The following SVOP variants were observed in gnomAD, a reference collection of about 807,000 sequenced individuals.
SVOP encodes the protein synaptic vesicle 2-related protein.
SVOP carries 17 observed loss-of-function variants against 69.1 expected under a neutral mutation model. That is an observed-to-expected ratio of 0.25 (90% CI 0.17 to 0.37). SVOP has a LOEUF of 0.37. SVOP is among the 10% of genes least tolerant of loss of function. The probability of loss-of-function intolerance (pLI) is 1.00; values close to 1 mark genes in which losing one functional copy is unlikely to be tolerated. For synonymous variants in SVOP, 238 were observed against 238.6 expected, an observed-to-expected ratio of 1.00 and a Z score of 0.02; for missense variants, 435 against 597.5, an observed-to-expected ratio of 0.73 and a Z score of 2.84.
chr12:108,984,295 G>A (rs1021570999), intron 1 of SVOP, among the ~76,000 whole-genome samples: 2 of 152,186 alleles, frequency 1.3e-5, no homozygotes, highest in African/African-American at 4.8e-5. Context: ...TGGGATTACA[G>A]GTGTGAGCTA....
At chr12:108,972,362 A>G (rs1299033185) in intron 5 of SVOP, 43 bp downstream of exon 5, 4 of 1,531,200 alleles carry the variant, frequency 2.6e-6, no homozygotes, top group Non-Finnish European at 1.8e-6. Flanking sequence ...CATCACCAAG[A>G]CAACCCAGAG....
At chr12:108,975,931 C>T (rs982170971) in intron 4 of SVOP, among the ~76,000 whole-genome samples, 2 of 152,020 alleles carry the variant, frequency 1.3e-5, no homozygotes, top group Non-Finnish European at 2.9e-5. Flanking sequence ...GAACTCCTGG[C>T]CTCAAGTGAT....
At chr12:108,971,142 A>G (rs553776355) in intron 5 of SVOP, among the ~76,000 whole-genome samples, 14 of 151,908 alleles carry the variant, frequency 9.2e-5, no homozygotes, top group Non-Finnish European at 2.9e-5. Context: ...CAAAGAGGTC[A>G]ATTTGGCTGA....
intron 5 of SVOP, among the ~76,000 whole-genome samples, chr12:108,964,048 A>G (rs1456407065): frequency 6.6e-6 from 1 of 152,134 alleles, no homozygotes; most frequent in African/African-American, 2.4e-5. Context: ...TTAAAAAGCA[A>G]TTTGATATAA....
intron 1 of SVOP, among the ~76,000 whole-genome samples, chr12:108,995,412 A>C (rs912501153): frequency 2.6e-5 from 4 of 152,192 alleles, no homozygotes; most frequent in Non-Finnish European, 4.4e-5. Context: ...GATTCTACCT[A>C]TATGAGGATT....
chr12:108,975,288 T>C (rs190953730), intron 4 of SVOP, among the ~76,000 whole-genome samples: 1 of 152,338 alleles, frequency 6.6e-6, no homozygotes, highest in East Asian at 1.9e-4. Flanking sequence ...ATCTGTAATA[T>C]CCTCCTTGGG....
intron 6 of SVOP, among the ~76,000 whole-genome samples, chr12:108,955,712 A>G (rs568883511): frequency 6.6e-6 from 1 of 152,346 alleles, no homozygotes; most frequent in South Asian, 2.1e-4. Flanking sequence ...CATCCATCAT[A>G]CATCACAATG....
chr12:108,936,352 A>G (rs1593182865), intron 10 of SVOP, among the ~76,000 whole-genome samples: 1 of 152,244 alleles, frequency 6.6e-6, no homozygotes, highest in South Asian at 2.1e-4. Context: ...CCCATATAGC[A>G]GAAATATTTA....
chr12:108,921,570 C>T (rs1010353696), intron 12 of SVOP, among the ~76,000 whole-genome samples: 3 of 152,130 alleles, frequency 2.0e-5, no homozygotes, highest in East Asian at 1.9e-4. Flanking sequence ...ATAGAACATG[C>T]GCCTTGGAGT....
chr12:109,016,210 T>A (rs2040366768), intron 1 of SVOP, among the ~76,000 whole-genome samples: 1 of 152,206 alleles, frequency 6.6e-6, no homozygotes, highest in South Asian at 2.1e-4. Context: ...CGATAGGCAC[T>A]CAGCCTTGGG....
At chr12:108,946,816 T>G (rs2039926427) in intron 6 of SVOP, among the ~76,000 whole-genome samples, 1 of 151,840 alleles carries the variant, frequency 6.6e-6, no homozygotes, top group Non-Finnish European at 1.5e-5. Flanking sequence ...CCTCCCGGGT[T>G]CAAGCAATTC....
At chr12:109,004,241 C>T (rs966455484) in intron 1 of SVOP, among the ~76,000 whole-genome samples, 9 of 151,974 alleles carry the variant, frequency 5.9e-5, no homozygotes, top group Admixed American at 5.9e-4. Context: ...ATATATATAG[C>T]ATATAATTTA....
intron 1 of SVOP, among the ~76,000 whole-genome samples, chr12:108,988,824 GTGCAATGGCA>G (rs2040181891): frequency 7.3e-6 from 1 of 137,038 alleles, no homozygotes. Flanking sequence ...CCAGGCTGGA[GTGCAATGGCA>G]TGATCTCTGG....
At chr12:108,944,999 T>G in intron 7 of SVOP, 104 bp downstream of exon 7, 1 of 1,089,888 alleles carries the variant, frequency 9.2e-7, no homozygotes, top group Non-Finnish European at 1.3e-6. Context: ...GTCTGTAATG[T>G]TTTTTTCTTA....
intron 1 of SVOP, among the ~76,000 whole-genome samples, chr12:109,020,099 T>C (rs572616721): frequency 2.0e-5 from 3 of 152,156 alleles, no homozygotes; most frequent in Admixed American, 2.0e-4. Context: ...GAAAAATCTG[T>C]AAGCCCCTCT....
chr12:108,925,058 C>T (rs4964285), intron 11 of SVOP, among the ~76,000 whole-genome samples: 42,846 of 151,690 alleles, frequency 0.28, 7,249 homozygotes, highest in Admixed American at 0.49. Context: ...TCTCTAAGTC[C>T]ACCTGTAAGG....
chr12:109,008,111 C>T (rs563328424), intron 1 of SVOP, among the ~76,000 whole-genome samples: 15 of 151,616 alleles, frequency 9.9e-5, no homozygotes, highest in African/African-American at 3.6e-4. Flanking sequence ...TCCAGGTCTC[C>T]TAGATAATAT....
intron 1 of SVOP, among the ~76,000 whole-genome samples, chr12:109,003,700 TG>T (rs1411018620): frequency 1.3e-5 from 2 of 152,216 alleles, no homozygotes; most frequent in African/African-American, 4.8e-5. Flanking sequence ...CTCCAACTCC[TG>T]GGCTCAAGCG....
intron 1 of SVOP, among the ~76,000 whole-genome samples, chr12:109,011,064 G>A (rs182215110): frequency 3.6e-4 from 55 of 152,186 alleles, no homozygotes; most frequent in African/African-American, 1.3e-3. Context: ...ACAGGCACAT[G>A]CCACCATACC....
Sources: allele counts gnomAD v4.1 joint callset (sites outside exome capture counted in the v4.1 genomes callset), GRCh38; gene constraint gnomAD v4.1.1; transcripts MANE v1.5; gene names NCBI Gene and HGNC (gene_info 2026-07-23, HGNC 2026-07-21).